Variants in ARHGAP28 observed in about 807,000 individuals in gnomAD.
ARHGAP28 encodes the protein Rho GTPase activating protein 28.
ARHGAP28 carries 56 observed loss-of-function variants against 90.7 expected under a neutral mutation model. That is an observed-to-expected ratio of 0.62 (90% CI 0.50 to 0.77). ARHGAP28 has a LOEUF of 0.77. Among genes scored for constraint, ARHGAP28 ranks in the 30% least tolerant of loss-of-function variants. The probability of loss-of-function intolerance (pLI) is 0.00; values close to 1 mark genes in which losing one functional copy is unlikely to be tolerated. For synonymous variants in ARHGAP28, 308 were observed against 323.3 expected, an observed-to-expected ratio of 0.95 and a Z score of 0.51; for missense variants, 869 against 900.9, an observed-to-expected ratio of 0.96 and a Z score of 0.45.
intron 15 of ARHGAP28, among the ~76,000 whole-genome samples, chr18:6,895,448 A>G (rs73941159): frequency 7.9e-5 from 12 of 152,326 alleles, no homozygotes; most frequent in South Asian, 6.2e-4. Context: ...ATAGACATTT[A>G]TGATTCTTTC....
chr18:6,870,561 A>T, intron 6 of ARHGAP28, 29 bp from the exon 7 acceptor site: 20 of 1,571,856 alleles, frequency 1.3e-5, no homozygotes, highest in Non-Finnish European at 1.7e-5. Context: ...AGCATATTAA[A>T]TAGTCTGTAT....
At chr18:6,816,164 G>A (rs56179157) in intron 1 of ARHGAP28, among the ~76,000 whole-genome samples, 26,683 of 152,150 alleles carry the variant, frequency 0.18, 2,540 homozygotes, top group African/African-American at 0.23. Context: ...GAAGAAGAGA[G>A]TTGGGAGCCT....
rs532788267 is a variant in ARHGAP28 at position 6,891,733 on chromosome 18, G to A, written c.1848+1190G>A. Among the ~76,000 whole-genome samples the A allele has an allele frequency of 2.0e-5, 3 of 152,192 alleles. No individual in the cohort carries two copies. In the East Asian group the frequency reaches 5.8e-4, roughly 29 times the overall value. On this transcript the variant is annotated intron_variant, in intron 14 of 17. Coordinates refer to ENST00000383472, the MANE Select transcript of ARHGAP28 (RefSeq NM_001366230.1). ...CTCTCCAGTAGCTAGGACTACAGAT[G>A]CATACCACCATACCTGGCTAACTTT...
chr18:6,837,228 T>C lies in ARHGAP28; in HGVS notation c.357T>C (p.Asp119=). ...EGELEAEWLQ[D]VGLSTLISGD... ...AACTTGAAGCAGAATGGCTGCAAGA[T>C]GTGGGTTTATCAACTCTGATCTCAG... The change falls in exon 3 of 18, where the codon GAT becomes GAC. Residue 119 remains aspartate, a synonymous_variant. Transcript: ENST00000383472. The C allele has an allele frequency of 6.4e-7, 1 of 1,570,064 alleles. No homozygotes were observed. The highest frequency in any genetic ancestry group is 8.6e-7 in the Non-Finnish European group (1 of 1,160,436).
chr18:6,894,972 T>C lies in ARHGAP28; in HGVS notation c.1905+81T>C, dbSNP rs1416363398. On this transcript the variant is annotated intron_variant, in intron 15 of 17. Transcript: ENST00000383472. ...CGACATCCACCACATTTATGTATAA[T>C]GTTGGTCATGAACTATCCTTCAAAC... is the stretch of plus-strand genomic sequence containing the variant. 6.7e-6 allele frequency: 9 copies of C among 1,339,712 alleles called. No homozygotes were observed. The East Asian group carries it at 2.1e-4, about 31-fold the overall frequency. The allele number at this position is 1,339,712 out of a possible 1,614,324, so 83.0% of individuals were successfully genotyped here.
At chr18:6,905,702 A>C (rs533999781) in intron 16 of ARHGAP28, among the ~76,000 whole-genome samples, 2 of 152,218 alleles carry the variant, frequency 1.3e-5, no homozygotes, top group Non-Finnish European at 2.9e-5. Flanking sequence ...CAGTAAGATC[A>C]CAGGATACAA....
chr18:6,736,166 C>G (rs1202129341), intron 1 of ARHGAP28, among the ~76,000 whole-genome samples: 1 of 152,142 alleles, frequency 6.6e-6, no homozygotes, highest in African/African-American at 2.4e-5. Context: ...TTCTATTTCT[C>G]TCATTTCTTC....
At chr18:6,809,799 G>A (rs781589181) in intron 1 of ARHGAP28, among the ~76,000 whole-genome samples, 10 of 152,114 alleles carry the variant, frequency 6.6e-5, no homozygotes, top group Non-Finnish European at 1.5e-4. Flanking sequence ...TTTGAGTGGG[G>A]ACACAGAGCC....
In ARHGAP28 at chr18:6,757,257, T is replaced by C. The variant is rs148925352; in HGVS notation, c.122+27314T>C. 5.2e-3 allele frequency among the ~76,000 whole-genome samples: 798 copies of C among 152,200 alleles called. 13 individuals are homozygous for C. Among genetic ancestry groups the C allele is most frequent in the Admixed American group, 0.031 (472 of 15,288 alleles). On this transcript the variant is annotated intron_variant, in intron 1 of 17. Coordinates refer to ENST00000383472, the MANE Select transcript of ARHGAP28 (RefSeq NM_001366230.1). ...TAAGCCATTATTTCACATGGTGAAG[T>C]TTGGAAAACAGGAGAAAACCCTATT...
At chr18:6,754,487 A>G (rs981133940) in intron 1 of ARHGAP28, among the ~76,000 whole-genome samples, 4 of 152,330 alleles carry the variant, frequency 2.6e-5, no homozygotes, top group African/African-American at 9.6e-5. Flanking sequence ...GGAGTAGGAT[A>G]GAGTTGGCAG....
chr18:6,872,568 T>C (rs2057098563), intron 7 of ARHGAP28, among the ~76,000 whole-genome samples: 1 of 152,122 alleles, frequency 6.6e-6, no homozygotes. Context: ...TCTATGGGGT[T>C]TTTTTTGTTT....
Position 6,790,767 on chromosome 18 carries a change from G to A in ARHGAP28, c.123-33995G>A, listed in dbSNP as rs566080120. ...ACAGAGGAAACACTGCCGCTTCTCA[G>A]GGTTGGGTACAAGAGAAGCCAGGGA... On this transcript the variant is annotated intron_variant, in intron 1 of 17. Transcript: ENST00000383472. 6.6e-5 allele frequency: 10 copies of A among 152,290 alleles called. No homozygotes were observed. In the East Asian group the frequency reaches 1.7e-3, roughly 27 times the overall value. 9.4% of individuals were successfully genotyped at this position (152,290 alleles called of 1,614,324 possible). A position where few individuals can be genotyped will look rare whatever the true frequency, so the allele number is the denominator to read the frequency against.
intron 1 of ARHGAP28, among the ~76,000 whole-genome samples, chr18:6,742,471 T>C (rs1254458226): frequency 6.6e-6 from 1 of 152,126 alleles, no homozygotes; most frequent in East Asian, 1.9e-4. Flanking sequence ...TGCCCGGCCA[T>C]GACTTGGTTT....
At chr18:6,797,849 A>G (rs1209016169) in intron 1 of ARHGAP28, among the ~76,000 whole-genome samples, 1 of 152,024 alleles carries the variant, frequency 6.6e-6, no homozygotes, top group African/African-American at 2.4e-5. Flanking sequence ...TTTAGTAGAG[A>G]CAGGGTTTCA....
intron 4 of ARHGAP28, among the ~76,000 whole-genome samples, chr18:6,858,974 A>G (rs889922446): frequency 6.6e-6 from 1 of 152,216 alleles, no homozygotes; most frequent in Non-Finnish European, 1.5e-5. Flanking sequence ...AATGCATTAA[A>G]TTTTGCAATA....
chr18:6,827,491 G>A (rs1336940759), intron 2 of ARHGAP28, among the ~76,000 whole-genome samples: 1 of 147,028 alleles, frequency 6.8e-6, no homozygotes, highest in Non-Finnish European at 1.5e-5. Flanking sequence ...AGGGGCGGCC[G>A]GGCAGAGGCG....
At chr18:6,823,601 ATTTTTTTTT>A (rs141094607) in intron 1 of ARHGAP28, among the ~76,000 whole-genome samples, 1 of 130,062 alleles carries the variant, frequency 7.7e-6, no homozygotes, top group Admixed American at 7.9e-5. Context: ...GTGGCTCTTA[ATTTTTTTTT>A]TTTTTTTTTT....
At chr18:6,839,371 G>A (rs911328303) in intron 3 of ARHGAP28, among the ~76,000 whole-genome samples, 6 of 147,548 alleles carry the variant, frequency 4.1e-5, no homozygotes, top group African/African-American at 1.5e-4. Context: ...TCGGCTCACT[G>A]CAAGCTCCGC....
chr18:6,864,361 G>T (rs1036968759), intron 5 of ARHGAP28, among the ~76,000 whole-genome samples: 1 of 152,158 alleles, frequency 6.6e-6, no homozygotes, highest in Non-Finnish European at 1.5e-5. Flanking sequence ...ACCACACTGG[G>T]CCTGTTTAAT....
Sources: gnomAD v4.1 joint callset for allele counts (sites outside exome capture counted in the v4.1 genomes callset) on GRCh38, gnomAD v4.1.1 for gene constraint, MANE v1.5 for transcripts, NCBI Gene and HGNC (gene_info 2026-07-23, HGNC 2026-07-21) for gene names.